Variants in GTF2I observed in about 807,000 individuals in gnomAD.
GTF2I encodes general transcription factor IIi.
Under a neutral mutation model 67.6 loss-of-function variants are expected in GTF2I, and 12 were observed. The observed-to-expected ratio is 0.18, with a 90% CI of 0.11 to 0.29. The LOEUF is 0.29. GTF2I is among the 10% of genes least tolerant of loss of function. GTF2I has a pLI of 1.00. For synonymous variants in GTF2I, 149 were observed against 197.0 expected (o/e 0.76, Z 2.04); for missense variants, 271 against 580.1 (o/e 0.47, Z 5.47).
In GTF2I at chr7:74,658,961, A is replaced by G. The variant is rs913398630; in HGVS notation, c.-6+893A>G. Among the ~76,000 whole-genome samples, 4 of 152,014 alleles carry G rather than the reference A, an allele frequency of 2.6e-5. No individual in the cohort carries two copies. The East Asian group carries it at 7.7e-4, about 29-fold the overall frequency. On this transcript the variant is annotated intron_variant, in intron 1 of 34. Coordinates refer to ENST00000573035, the MANE Select transcript of GTF2I (RefSeq NM_032999.4). ...CAGCTTTTGCTTTTTCGTGTAGCGAATTTTGTCCTCCCTAGGTTATGGATT... is the reference window on the plus strand; with the variant it reads ...CAGCTTTTGCTTTTTCGTGTAGCGAGTTTTGTCCTCCCTAGGTTATGGATT...
chr7:74,698,674 G>A (rs895965665), intron 3 of GTF2I, among the ~76,000 whole-genome samples: 4 of 151,596 alleles, frequency 2.6e-5, no homozygotes, highest in African/African-American at 9.7e-5. Flanking sequence ...AGCCTCACAA[G>A]GTGGTGGAAT....
Position 74,735,549 on chromosome 7 carries a change from T to A in GTF2I, c.1435+17T>A, listed in dbSNP as rs1554407406. On this transcript the variant is annotated intron_variant, in intron 17 of 34. Transcript: ENST00000573035. Reference sequence around the variant, plus strand: ...AAAAATTTGGTAAGTCTGTTTTTTTTAATTACCCCTTCAACTAAAATGTAT... The same window carrying A: ...AAAAATTTGGTAAGTCTGTTTTTTTAAATTACCCCTTCAACTAAAATGTAT... The A allele has an allele frequency of 1.5e-5, 4 of 264,190 alleles. No homozygotes were observed. In the Admixed American group the frequency reaches 2.1e-4, roughly 14 times the overall value. 16.4% of individuals were successfully genotyped at this position (264,190 alleles called of 1,614,324 possible). A position where few individuals can be genotyped will look rare whatever the true frequency, so the allele number is the denominator to read the frequency against.
chr7:74,694,338 G>A (rs1788671624), intron 3 of GTF2I, among the ~76,000 whole-genome samples: 1 of 152,216 alleles, frequency 6.6e-6, no homozygotes, highest in South Asian at 2.1e-4. Context: ...TGTAATCCCA[G>A]CACTTTGGGA....
At position 74,688,094 on chromosome 7, in the gene GTF2I, T is replaced by C. The variant is rs886166559; in HGVS notation, c.-5-1030T>C. ...TGGTAAAATATACATAATTTTTTTG[T>C]GTGTGTGACAGGCTCACTCTGTCAC... On this transcript the variant is annotated intron_variant, in intron 1 of 34. Transcript: ENST00000573035. 1.3e-4 allele frequency among the ~76,000 whole-genome samples: 20 copies of C among 152,298 alleles called. 1 individual carries two copies. Among genetic ancestry groups the C allele is most frequent in the South Asian group, 1.0e-3 (5 of 4,818 alleles).
intron 3 of GTF2I, among the ~76,000 whole-genome samples, chr7:74,694,455 C>T (rs587670641): frequency 5.8e-4 from 88 of 152,240 alleles, no homozygotes; most frequent in African/African-American, 2.1e-3. Flanking sequence ...GGCCTGGTGG[C>T]GTGCACCTGT....
intron 1 of GTF2I, among the ~76,000 whole-genome samples, chr7:74,674,103 T>A (rs1412633652): frequency 2.0e-5 from 3 of 149,974 alleles, no homozygotes; most frequent in African/African-American, 7.3e-5. Context: ...AGGGTCTTGT[T>A]CTGTCTCCCA....
intron 19 of GTF2I, among the ~76,000 whole-genome samples, chr7:74,739,024 CT>C (rs1278776135): frequency 7.8e-4 from 18 of 23,082 alleles, no homozygotes; most frequent in East Asian, 4.5e-3. Context: ...TCTTTCCTAT[CT>C]TTTTTTTTTT....
At chr7:74,692,222 C>G (rs1198954459) in intron 3 of GTF2I, among the ~76,000 whole-genome samples, 1 of 151,986 alleles carries the variant, frequency 6.6e-6, no homozygotes, top group African/African-American at 2.4e-5. Context: ...TACAGGTGCA[C>G]ACCACCATAC....
At chr7:74,702,994 C>G (rs1239986953) in intron 6 of GTF2I, among the ~76,000 whole-genome samples, 1 of 152,114 alleles carries the variant, frequency 6.6e-6, no homozygotes, top group Middle Eastern at 3.2e-3. Context: ...GTGTCAGCCT[C>G]CCAAAGTGCT....
intron 12 of GTF2I, among the ~76,000 whole-genome samples, chr7:74,720,846 C>T (rs1554404462): frequency 6.6e-6 from 1 of 151,150 alleles, no homozygotes; most frequent in African/African-American, 2.4e-5. Flanking sequence ...TGGTTCACGC[C>T]ATTCTCCTGT....
chr7:74,703,074 C>A (rs1289183390), intron 6 of GTF2I, among the ~76,000 whole-genome samples: 1 of 151,954 alleles, frequency 6.6e-6, no homozygotes, highest in Non-Finnish European at 1.5e-5. Flanking sequence ...GGAGAAATAT[C>A]TATTTAGGTC....
intron 3 of GTF2I, among the ~76,000 whole-genome samples, chr7:74,697,994 C>T (rs1789145257): frequency 6.6e-6 from 1 of 151,908 alleles, no homozygotes; most frequent in Non-Finnish European, 1.5e-5. Context: ...CTCACTCTGT[C>T]GCCCAGGCTG....
intron 14 of GTF2I, among the ~76,000 whole-genome samples, chr7:74,732,129 A>G (rs1554406807): frequency 1.4e-5 from 2 of 142,110 alleles, no homozygotes; most frequent in East Asian, 2.0e-4. Context: ...GTATATATAC[A>G]TATACACATA....
chr7:74,706,282 C>T, intron 7 of GTF2I, 108 bp from the exon 8 acceptor site: 1 of 836,148 alleles, frequency 1.2e-6, no homozygotes, highest in Non-Finnish European at 2.0e-6. Flanking sequence ...TTTGCACCCA[C>T]CTTGGTCAAG....
At chr7:74,722,372 TG>T (rs373102958) in intron 12 of GTF2I, among the ~76,000 whole-genome samples, 115 of 152,338 alleles carry the variant, frequency 7.5e-4, no homozygotes, top group African/African-American at 2.6e-3. Flanking sequence ...ACTACATTTC[TG>T]GGTTAAGGTG....
At chr7:74,685,229 C>A (rs1216627113) in intron 1 of GTF2I, among the ~76,000 whole-genome samples, 2 of 152,222 alleles carry the variant, frequency 1.3e-5, no homozygotes, top group African/African-American at 2.4e-5. Flanking sequence ...CTTGCCCTGC[C>A]GGGCTCCAGT....
chr7:74,706,061 A>C (rs587755784), intron 7 of GTF2I, among the ~76,000 whole-genome samples: 3 of 151,866 alleles, frequency 2.0e-5, no homozygotes, highest in African/African-American at 7.2e-5. Context: ...CAAGTGATTC[A>C]GGTGAGCGCC....
chr7:74,680,381 T>G (rs1436712177), intron 1 of GTF2I, among the ~76,000 whole-genome samples: 1 of 151,632 alleles, frequency 6.6e-6, no homozygotes, highest in Non-Finnish European at 1.5e-5. Context: ...AACCTCAGTT[T>G]TTATGAGGGT....
intron 1 of GTF2I, among the ~76,000 whole-genome samples, chr7:74,680,704 T>C (rs1208894008): frequency 6.6e-6 from 1 of 152,162 alleles, no homozygotes; most frequent in Non-Finnish European, 1.5e-5. Context: ...ATGGTGCCAC[T>C]GTACTCGTCC....
Sources: allele counts gnomAD v4.1 joint callset (sites outside exome capture counted in the v4.1 genomes callset), GRCh38; gene constraint gnomAD v4.1.1; transcripts MANE v1.5; gene names NCBI Gene and HGNC (gene_info 2026-07-23, HGNC 2026-07-21).